The following BZW2 variants were observed in gnomAD, a reference collection of about 807,000 sequenced individuals.
BZW2 encodes basic leucine zipper and W2 domains 2.
BZW2 carries 23 observed loss-of-function variants against 53.2 expected under a neutral mutation model. That is an observed-to-expected ratio of 0.43 (90% CI 0.31 to 0.61). The LOEUF is 0.61. Among genes scored for constraint, BZW2 ranks in the 20% least tolerant of loss-of-function variants. The pLI is 0.09. For synonymous variants in BZW2, 227 were observed against 186.4 expected, an observed-to-expected ratio of 1.22 and a Z score of -1.77; for missense variants, 409 against 503.1, an observed-to-expected ratio of 0.81 and a Z score of 1.79.
chr7:16,663,051 A>C (rs2128353407), intron 1 of BZW2, among the ~76,000 whole-genome samples: 1 of 152,338 alleles, frequency 6.6e-6, no homozygotes, highest in East Asian at 1.9e-4. Flanking sequence ...ATTCAGAGTG[A>C]ATCTGTTTAT....
At chr7:16,705,852 C>T (rs1036991464) in intron 11 of BZW2, among the ~76,000 whole-genome samples, 3 of 151,128 alleles carry the variant, frequency 2.0e-5, no homozygotes, top group African/African-American at 7.3e-5. Context: ...ATGCATGTTG[C>T]ATTTTTAGAC....
chr7:16,685,802 A>C, intron 5 of BZW2, 103 bp from the exon 6 acceptor site: 1 of 1,333,472 alleles, frequency 7.5e-7, no homozygotes, highest in Non-Finnish European at 9.9e-7. Flanking sequence ...GTAGCCATGG[A>C]TGTTCACAGT....
chr7:16,700,014 G>C (rs896421258), intron 10 of BZW2, among the ~76,000 whole-genome samples: 2 of 152,324 alleles, frequency 1.3e-5, no homozygotes, highest in Middle Eastern at 3.4e-3. Context: ...CCTAAAGTTA[G>C]TGAGGTCTGT....
chr7:16,673,690 C>T (rs941082635), intron 2 of BZW2, among the ~76,000 whole-genome samples: 2 of 151,874 alleles, frequency 1.3e-5, no homozygotes, highest in Non-Finnish European at 2.9e-5. Context: ...AATTAGGGTT[C>T]CAAAGTTTAG....
chr7:16,696,595 C>G (rs967810122), intron 8 of BZW2, among the ~76,000 whole-genome samples: 2 of 152,194 alleles, frequency 1.3e-5, no homozygotes, highest in African/African-American at 4.8e-5. Context: ...AAAAGTCAAA[C>G]TGGCTCAAGT....
At chr7:16,665,375 CAT>C in intron 1 of BZW2, 60 bp from the exon 2 acceptor site, 2 of 1,589,334 alleles carry the variant, frequency 1.3e-6, no homozygotes, top group Non-Finnish European at 1.7e-6. Context: ...ACTTATTGGC[CAT>C]ATGTTTTCCA....
At chr7:16,701,437 C>G (rs1364455353) in intron 10 of BZW2, among the ~76,000 whole-genome samples, 1 of 151,950 alleles carries the variant, frequency 6.6e-6, no homozygotes, top group Non-Finnish European at 1.5e-5. Flanking sequence ...GTTTTTTATT[C>G]TAGTTCTAAA....
intron 1 of BZW2, among the ~76,000 whole-genome samples, chr7:16,651,039 G>T (rs917936168): frequency 6.6e-6 from 1 of 151,954 alleles, no homozygotes; most frequent in African/African-American, 2.4e-5. Context: ...AAAAATTAAA[G>T]GAAAAAAGTA....
At chr7:16,659,913 CATATGTAT>C (rs943794396) in intron 1 of BZW2, among the ~76,000 whole-genome samples, 6 of 151,514 alleles carry the variant, frequency 4.0e-5, no homozygotes, top group Non-Finnish European at 7.4e-5. Flanking sequence ...AGGTTTGTTA[CATATGTAT>C]ACAGGTGCCA....
At position 16,689,943 on chromosome 7, in the gene BZW2, G is replaced by A. The variant is rs1239533854; in HGVS notation, c.651+37G>A. The A allele has an allele frequency of 2.0e-6, 3 of 1,521,432 alleles. No individual in the cohort carries two copies. The South Asian group carries it at 3.5e-5, about 18-fold the overall frequency. 94.2% of individuals were successfully genotyped at this position (1,521,432 alleles called of 1,614,324 possible). On this transcript the variant is annotated intron_variant, in intron 7 of 11. Coordinates refer to ENST00000258761, the MANE Select transcript of BZW2 (RefSeq NM_014038.3). The stretch of plus-strand genomic sequence containing the variant: ...CTGGTTAAAGAGTTGTATGTATGAT[G>A]CCTTTCTTGGAGCTTAAGCAATGCC...
At chr7:16,700,075 C>T (rs1438275390) in intron 10 of BZW2, among the ~76,000 whole-genome samples, 1 of 152,136 alleles carries the variant, frequency 6.6e-6, no homozygotes, top group African/African-American at 2.4e-5. Context: ...GTGTCAACAT[C>T]AATTTTATTT....
At chr7:16,657,727 A>G (rs1255529944) in intron 1 of BZW2, among the ~76,000 whole-genome samples, 2 of 152,110 alleles carry the variant, frequency 1.3e-5, no homozygotes, top group Non-Finnish European at 2.9e-5. Context: ...AAATACGAGT[A>G]AGTAGTTCAA....
At chr7:16,696,821 C>T in intron 8 of BZW2, 94 bp from the exon 9 acceptor site, 1 of 1,307,128 alleles carries the variant, frequency 7.7e-7, no homozygotes, top group South Asian at 1.3e-5. Flanking sequence ...TGTTTCTTAG[C>T]TGCCCCAAAA....
intron 2 of BZW2, among the ~76,000 whole-genome samples, chr7:16,669,845 T>C (rs1782546620): frequency 6.6e-6 from 1 of 152,234 alleles, no homozygotes; most frequent in Non-Finnish European, 1.5e-5. Context: ...CCTAATTATA[T>C]CCTTCTCACT....
chr7:16,699,231 C>T (rs776122792), intron 10 of BZW2, among the ~76,000 whole-genome samples: 39 of 152,152 alleles, frequency 2.6e-4, no homozygotes, highest in Non-Finnish European at 5.4e-4. Context: ...ACTTGAAGTT[C>T]AGTAATTGGT....
At chr7:16,679,287 T>C (rs2128360807) in intron 3 of BZW2, among the ~76,000 whole-genome samples, 1 of 152,306 alleles carries the variant, frequency 6.6e-6, no homozygotes, top group Non-Finnish European at 1.5e-5. Context: ...TATAAAAGTA[T>C]TAATTTGGGG....
intron 1 of BZW2, among the ~76,000 whole-genome samples, chr7:16,651,233 A>G (rs1381905604): frequency 6.6e-6 from 1 of 152,198 alleles, no homozygotes; most frequent in African/African-American, 2.4e-5. Flanking sequence ...ACTTATTTTT[A>G]TGCTAGATGA....
At chr7:16,674,792 G>A (rs891203447) in intron 3 of BZW2, among the ~76,000 whole-genome samples, 1 of 152,164 alleles carries the variant, frequency 6.6e-6, no homozygotes, top group African/African-American at 2.4e-5. Flanking sequence ...TAGAAGCATA[G>A]AATGGAGGAC....
chr7:16,703,367 A>G (rs540365667), intron 10 of BZW2, among the ~76,000 whole-genome samples: 1 of 152,302 alleles, frequency 6.6e-6, no homozygotes, highest in African/African-American at 2.4e-5. Flanking sequence ...AGCCTCTTCA[A>G]TTTAATTCAA....
Sources: gnomAD v4.1 joint callset for allele counts (sites outside exome capture counted in the v4.1 genomes callset) on GRCh38, gnomAD v4.1.1 for gene constraint, MANE v1.5 for transcripts, NCBI Gene and HGNC (gene_info 2026-07-23, HGNC 2026-07-21) for gene names.